The following PRMT2 variants were observed in gnomAD, a reference collection of about 807,000 sequenced individuals.
The protein encoded by PRMT2 is protein arginine methyltransferase 2.
PRMT2 carries 26 observed loss-of-function variants against 57.6 expected under a neutral mutation model. The ratio of observed to expected loss-of-function variants is 0.45; its 90% CI spans 0.33 to 0.63. The LOEUF is 0.63. PRMT2 is among the 20% of genes least tolerant of loss of function. The pLI is 0.02. For missense variants in PRMT2, 472 were observed against 564.4 expected, an observed-to-expected ratio of 0.84 and a Z score of 1.66; for synonymous variants, 219 against 220.0, an observed-to-expected ratio of 1.00 and a Z score of 0.04.
rs1038259579 is a variant in PRMT2 at position 46,661,910 on chromosome 21, G to A, written c.1071G>A (p.Gln357=). 25 of 1,469,064 alleles carry A rather than the reference G, an allele frequency of 1.7e-5. No individual in the cohort carries two copies. Among genetic ancestry groups the A allele is most frequent in the African/African-American group, 2.9e-5 (2 of 67,846 alleles). 91.0% of individuals were successfully genotyped at this position (1,469,064 alleles called of 1,614,324 possible). A position where few individuals can be genotyped will look rare whatever the true frequency, so the allele number is the denominator to read the frequency against. ...GCCTGCAGGAGGGGCAGCCGCCGCAGGTGCTCAGCACCGGGCCCTTCCACC... is the reference window on the plus strand; with the variant it reads ...GCCTGCAGGAGGGGCAGCCGCCGCAAGTGCTCAGCACCGGGCCCTTCCACC... ...FQSLQEGQPP[Q]VLSTGPFHPT... Residue 357 remains glutamine, a synonymous_variant, in exon 10 of 12, where the codon CAG becomes CAA. Transcript: ENST00000355680.
chr21:46,651,729 G>A, intron 7 of PRMT2: 1 of 1,524,810 alleles, frequency 6.6e-7, no homozygotes, highest in South Asian at 1.2e-5. Context: ...CACAGGGTTG[G>A]TCGGATTTGA....
chr21:46,636,337 C>T (rs1247362475), intron 1 of PRMT2, 102 bp from the exon 2 acceptor site: 1 of 152,344 alleles, frequency 6.6e-6, no homozygotes, highest in Non-Finnish European at 1.5e-5. Flanking sequence ...GCATTTGTAA[C>T]TACGAATATC....
At position 46,645,071 on chromosome 21, in the gene PRMT2, A is replaced by G. The variant is rs1423203864; in HGVS notation, c.327+583A>G. 3.3e-5 allele frequency among the ~76,000 whole-genome samples: 5 copies of G among 151,302 alleles called. No homozygotes were observed. The East Asian group carries it at 9.8e-4, about 30-fold the overall frequency. On this transcript the variant is annotated intron_variant, in intron 5 of 11. Transcript: ENST00000355680. ...CCTGACAACATAGTGAGAAAAAATA[A>G]AAAATATAATTCGTCTCTACAAAAA...
Position 46,658,804 on chromosome 21 carries a change from G to C in PRMT2, c.714G>C (p.Gly238=), listed in dbSNP as rs776287900. Residue 238 remains glycine (G), a synonymous_variant, in exon 8 of 12, where the codon GGG becomes GGC. Transcript: ENST00000355680. ...YARDAWLKED[G]VIWPTMAALH... is the part of the protein sequence containing the mutation. ...GGGATGCCTGGCTGAAGGAGGACGG[G>C]GTCATTTGGCCCACCATGGCTGCGT... The C allele has an allele frequency of 1.2e-6, 2 of 1,614,194 alleles. No homozygotes were observed. The highest frequency in any genetic ancestry group is 2.2e-5 in the South Asian group (2 of 91,084).
intron 7 of PRMT2, chr21:46,652,284 T>C: frequency 5.4e-6 from 7 of 1,302,344 alleles, no homozygotes; most frequent in Non-Finnish European, 6.8e-6. Flanking sequence ...ACCAAGTTCA[T>C]AATGAAGCTG....
intron 10 of PRMT2, among the ~76,000 whole-genome samples, chr21:46,662,810 ACTATTTCCC>A (rs957966633): frequency 6.6e-6 from 1 of 152,148 alleles, no homozygotes; most frequent in Non-Finnish European, 1.5e-5. Flanking sequence ...ATAGCGTTTT[ACTATTTCCC>A]CCCAAATGTG....
chr21:46,661,977 G>A (rs1305160331), intron 10 of PRMT2, 41 bp downstream of exon 10: 4 of 988,978 alleles, frequency 4.0e-6, no homozygotes, highest in Non-Finnish European at 5.1e-6. Flanking sequence ...GGGGTGGGGG[G>A]CAGGGGAGTA....
chr21:46,649,389 G>C lies in PRMT2; in HGVS notation c.490-186G>C, dbSNP rs1416364715. On this transcript the variant is annotated intron_variant, in intron 6 of 11. Transcript: ENST00000355680. This position sits in a 1 kb window ranked among gnomAD's most constrained non-coding sequence, Gnocchi z 4.8. ...GGTGGGGGCAGTTGGGAGGGTTAGA[G>C]GCGGCTCCTTTCTGGGTGCCCCTGG... 2 of 843,918 alleles carry C rather than the reference G, an allele frequency of 2.4e-6. No individual in the cohort carries two copies. The highest frequency in any genetic ancestry group is 3.9e-6 in the Non-Finnish European group (2 of 517,112). The allele number at this position is 843,918 out of a possible 1,614,324, so 52.3% of individuals were successfully genotyped here.
intron 7 of PRMT2, chr21:46,653,936 GTTT>G (rs78403994): frequency 1.5e-4 from 146 of 958,430 alleles, no homozygotes; most frequent in Middle Eastern, 1.0e-3. Context: ...TTCTTTTCTT[GTTT>G]TTTTTTTTTT....
chr21:46,662,701 C>T (rs970064581), intron 10 of PRMT2, among the ~76,000 whole-genome samples: 2 of 152,100 alleles, frequency 1.3e-5, no homozygotes, highest in African/African-American at 2.4e-5. Context: ...TGAGGAGCCC[C>T]CCACTTCACT....
At chr21:46,656,063 C>A (rs2061537855) in intron 7 of PRMT2, among the ~76,000 whole-genome samples, 1 of 152,070 alleles carries the variant, frequency 6.6e-6, no homozygotes, top group Non-Finnish European at 1.5e-5. Flanking sequence ...GTGTTTGGGT[C>A]ATGGGTGTGG....
At chr21:46,664,251 A>C in intron 11 of PRMT2, 44 bp from the exon 12 acceptor site, 1 of 1,481,464 alleles carries the variant, frequency 6.8e-7, no homozygotes, top group Non-Finnish European at 9.4e-7. Flanking sequence ...TGTTAATCAA[A>C]TGATTTATCA....
Position 46,658,829 on chromosome 21 carries a change from T to C in PRMT2, c.739T>C (p.Leu247=). The C allele has an allele frequency of 6.2e-7, 1 of 1,614,244 alleles. No individual in the cohort carries two copies. The highest frequency in any genetic ancestry group is 8.5e-7 in the Non-Finnish European group (1 of 1,180,040). Residue 247 remains leucine (L), a synonymous_variant, in exon 8 of 12, where the codon TTG becomes CTG. Coordinates refer to ENST00000355680, the MANE Select transcript of PRMT2 (RefSeq NM_206962.4). ...GGTCATTTGGCCCACCATGGCTGCG[T>C]TGCACCTTGTGCCCTGCAGTGCTGA... ...DGVIWPTMAA[L]HLVPCSADKD...
intron 3 of PRMT2, among the ~76,000 whole-genome samples, chr21:46,638,017 C>A (rs1007619265): frequency 6.6e-6 from 1 of 152,132 alleles, no homozygotes; most frequent in Non-Finnish European, 1.5e-5. Flanking sequence ...AGTCTCAGTC[C>A]TATTCCTCCT....
intron 7 of PRMT2, chr21:46,652,967 T>G: frequency 8.0e-7 from 1 of 1,250,300 alleles, no homozygotes; most frequent in Non-Finnish European, 1.0e-6. Context: ...TCCTGGACCT[T>G]TCAGGACGCT....
chr21:46,662,955 AG>A (rs1050857181), intron 10 of PRMT2, among the ~76,000 whole-genome samples: 6 of 152,152 alleles, frequency 3.9e-5, no homozygotes, highest in Non-Finnish European at 8.8e-5. Context: ...GGGTGCAGGA[AG>A]GGGTTGCACA....
chr21:46,642,122 A>G (rs1278479143), intron 3 of PRMT2, among the ~76,000 whole-genome samples: 1 of 152,180 alleles, frequency 6.6e-6, no homozygotes, highest in Non-Finnish European at 1.5e-5. Context: ...TCCAGGGAAC[A>G]CCTTTCTGGA....
At chr21:46,662,009 G>GCAGGAGGGGGTGGGGCA (rs1601957610) in intron 10 of PRMT2, 73 bp downstream of exon 10, 2 of 251,636 alleles carry the variant, frequency 7.9e-6, no homozygotes, top group East Asian at 4.2e-4. Flanking sequence ...GGGATGGGGC[G>GCAGGAGGGGGTGGGGCA]CGCAGGAGGG....
chr21:46,661,202 GTCT>G (rs763231722), intron 9 of PRMT2: 28 of 324,472 alleles, frequency 8.6e-5, no homozygotes, highest in Non-Finnish European at 1.2e-4. Context: ...TGTCTCCAGC[GTCT>G]TCATTTTAGA....
Sources: gnomAD v4.1 joint callset for allele counts (sites outside exome capture counted in the v4.1 genomes callset) on GRCh38, gnomAD v4.1.1 for gene constraint, Gnocchi (gnomAD v3.1) non-coding constraint, MANE v1.5 for transcripts, NCBI Gene and HGNC (gene_info 2026-07-23, HGNC 2026-07-21) for gene names.